UGT1A8: variants seen among roughly 807,000 people sequenced by gnomAD.
The protein encoded by UGT1A8 is UDP-glucuronosyltransferase 1A8.
UGT1A8 carries 39 observed loss-of-function variants against 45.3 expected under a neutral mutation model. The observed-to-expected ratio is 0.86, with a 90% CI of 0.67 to 1.12. The LOEUF (loss-of-function observed/expected upper bound fraction) is 1.12. Among genes scored for constraint, UGT1A8 ranks in the 50% most tolerant of loss-of-function variants. The pLI is 0.00. For synonymous variants in UGT1A8, 275 were observed against 249.2 expected (o/e 1.10, Z -0.97); for missense variants, 719 against 664.9 (o/e 1.08, Z -0.90).
chr2:233,634,698 T>A (rs943482968), intron 1 of UGT1A8, among the ~76,000 whole-genome samples: 1 of 151,636 alleles, frequency 6.6e-6, no homozygotes, highest in African/African-American at 2.4e-5. Context: ...TATATGTCTT[T>A]ACACGTGAAA....
At chr2:233,728,672 A>G (rs543695455) in intron 1 of UGT1A8, among the ~76,000 whole-genome samples, 4 of 152,342 alleles carry the variant, frequency 2.6e-5, no homozygotes, top group Middle Eastern at 3.4e-3. Context: ...TTACTCATAC[A>G]TGAGAAGAAA....
chr2:233,689,924 T>G (rs2125543636), intron 1 of UGT1A8: 1 of 456,736 alleles, frequency 2.2e-6, no homozygotes, highest in South Asian at 1.5e-5. Flanking sequence ...TGGAATTTCC[T>G]TCGAAAGAAC....
In UGT1A8 at chr2:233,618,167, G is replaced by A; in HGVS notation, c.460G>A (p.Gly154Ser). Residue 154 changes from glycine (G) to serine (S), a missense_variant, in exon 1 of 5, where the codon GGC (glycine) becomes AGC (serine). Gly to Ser is a moderately conservative substitution (Grantham distance 56). Transcript: ENST00000373450. ...AVFLDPFDAC[G>S]LIVAKYFSLP... ...GTTTCTTGATCCTTTTGATGCCTGT[G>A]GCTTAATTGTTGCCAAATATTTCTC... 6.2e-7 allele frequency: 1 copy of A among 1,613,974 alleles called. No homozygotes were observed.
At chr2:233,624,763 A>G (rs1035494205) in intron 1 of UGT1A8, among the ~76,000 whole-genome samples, 1 of 152,138 alleles carries the variant, frequency 6.6e-6, no homozygotes, top group Admixed American at 6.6e-5. Flanking sequence ...GAGAAACAAC[A>G]TCTTAGCAAT....
chr2:233,619,758 T>C (rs961977246), intron 1 of UGT1A8, among the ~76,000 whole-genome samples: 12 of 152,188 alleles, frequency 7.9e-5, no homozygotes, highest in Non-Finnish European at 1.2e-4. Context: ...CCAGCCACAT[T>C]ACTAACTTTT....
intron 1 of UGT1A8, among the ~76,000 whole-genome samples, chr2:233,652,414 A>T (rs1224257057): frequency 6.6e-6 from 1 of 152,152 alleles, no homozygotes; most frequent in East Asian, 1.9e-4. Context: ...TTTAAAAATA[A>T]ATTTTGGCTA....
intron 1 of UGT1A8, among the ~76,000 whole-genome samples, chr2:233,659,864 A>G (rs1475775203): frequency 3.3e-5 from 5 of 152,144 alleles, no homozygotes; most frequent in Admixed American, 3.3e-4. Flanking sequence ...TCTAATGTCA[A>G]TTTATTTTCT....
Position 233,693,395 on chromosome 2 carries a change from C to T in UGT1A8, c.856-73639C>T, listed in dbSNP as rs377558341. On this transcript the variant is annotated intron_variant, in intron 1 of 4. Transcript: ENST00000373450. ...CTTCATCAACTGCCAGAGCCTCCTG[C>T]AGGACAGGGACACCCTGAACTTCTT... The T allele has an allele frequency of 2.5e-6, 4 of 1,614,046 alleles. No homozygotes were observed. In the African/African-American group the frequency reaches 4.0e-5, roughly 16 times the overall value.
chr2:233,662,231 A>G (rs916010125), intron 1 of UGT1A8, among the ~76,000 whole-genome samples: 2 of 152,226 alleles, frequency 1.3e-5, no homozygotes, highest in Non-Finnish European at 1.5e-5. Context: ...TGTGTCTATA[A>G]TATGGTAGTA....
At chr2:233,728,608 G>C (rs535590480) in intron 1 of UGT1A8, among the ~76,000 whole-genome samples, 2 of 152,172 alleles carry the variant, frequency 1.3e-5, no homozygotes, top group South Asian at 2.1e-4. Context: ...CAGCCTCCAC[G>C]CTGTTCAGAG....
At chr2:233,638,894 G>A (rs111673655) in intron 1 of UGT1A8, among the ~76,000 whole-genome samples, 48 of 152,316 alleles carry the variant, frequency 3.2e-4, no homozygotes, top group African/African-American at 1.1e-3. Flanking sequence ...AAGACCAGGC[G>A]AGGAGATGCA....
At chr2:233,679,324 G>A (rs894349525) in intron 1 of UGT1A8, among the ~76,000 whole-genome samples, 2 of 152,178 alleles carry the variant, frequency 1.3e-5, no homozygotes, top group East Asian at 1.9e-4. Flanking sequence ...CAGAAAACGC[G>A]TTCTTATTGT....
intron 1 of UGT1A8, among the ~76,000 whole-genome samples, chr2:233,650,458 C>T (rs1381201465): frequency 2.0e-5 from 3 of 152,154 alleles, no homozygotes; most frequent in Non-Finnish European, 4.4e-5. Context: ...TGTTAATTGT[C>T]AGTCTTCTTC....
intron 1 of UGT1A8, chr2:233,743,777 T>C (rs1692497212): frequency 7.3e-7 from 1 of 1,367,292 alleles, no homozygotes; most frequent in Admixed American, 1.9e-5. Flanking sequence ...GGCCACCTGC[T>C]TGAATCTCCT....
intron 1 of UGT1A8, among the ~76,000 whole-genome samples, chr2:233,711,791 G>C (rs1289968745): frequency 1.3e-5 from 2 of 152,218 alleles, no homozygotes; most frequent in African/African-American, 4.8e-5. Context: ...GCACAGCCCA[G>C]AGAGCCTGCC....
At position 233,767,890 on chromosome 2, in the gene UGT1A8, G is replaced by A. The variant is rs770433443; in HGVS notation, c.1029G>A (p.Ala343=). The A allele has an allele frequency of 2.3e-5, 37 of 1,613,976 alleles. 1 individual carries two copies. The highest frequency in any genetic ancestry group is 1.6e-4 in the Middle Eastern group (1 of 6,082). The part of the protein sequence containing the change: ...RYTGTRPSNL[A]NNTILVKWLP... ...CTGGAACCCGACCATCGAATCTTGC[G>A]AACAACACGATACTTGTTAAGTGGC... is the stretch of plus-strand genomic sequence containing the variant. The change falls in exon 3 of 5, where the codon GCG becomes GCA. Residue 343 remains alanine (A), a synonymous_variant. Transcript: ENST00000373450.
At chr2:233,618,634 T>C (rs2072946412) in intron 1 of UGT1A8, 72 bp downstream of exon 1, 1 of 1,528,960 alleles carries the variant, frequency 6.5e-7, no homozygotes, top group South Asian at 1.3e-5. Context: ...CCTTACTGAA[T>C]TGTGATTTGA....
chr2:233,670,700 C>A (rs1180684097), intron 1 of UGT1A8, among the ~76,000 whole-genome samples: 1 of 152,254 alleles, frequency 6.6e-6, no homozygotes, highest in African/African-American at 2.4e-5. Flanking sequence ...TATCCCCCAC[C>A]TTTTGTTGCT....
At chr2:233,714,989 G>A (rs1270909733) in intron 1 of UGT1A8, among the ~76,000 whole-genome samples, 3 of 152,078 alleles carry the variant, frequency 2.0e-5, no homozygotes, top group South Asian at 2.1e-4. Flanking sequence ...TGATTCTCCT[G>A]CCTCAGCCTC....
Sources: allele counts gnomAD v4.1 joint callset (sites outside exome capture counted in the v4.1 genomes callset), GRCh38; gene constraint gnomAD v4.1.1; transcripts MANE v1.5; gene names NCBI Gene and HGNC (gene_info 2026-07-23, HGNC 2026-07-21).